PALLD: variants seen among roughly 807,000 people sequenced by gnomAD.
PALLD encodes palladin.
Under a neutral mutation model 123.5 loss-of-function variants are expected in PALLD, and 61 were observed. The ratio of observed to expected loss-of-function variants is 0.49; its 90% CI spans 0.40 to 0.61. PALLD has a LOEUF of 0.61. Ranked by LOEUF, PALLD falls within the 20% of genes least tolerant of loss-of-function variation. The pLI is 0.00. For synonymous variants in PALLD, 465 were observed against 496.4 expected, an observed-to-expected ratio of 0.94 and a Z score of 0.84; for missense variants, 1,273 against 1,377.0, an observed-to-expected ratio of 0.92 and a Z score of 1.20.
intron 2 of PALLD, among the ~76,000 whole-genome samples, chr4:168,520,942 C>T (rs1240393694): frequency 6.6e-6 from 1 of 152,158 alleles, no homozygotes; most frequent in Non-Finnish European, 1.5e-5. Context: ...TCATGAGTAG[C>T]AGTAGCTAAA....
intron 10 of PALLD, among the ~76,000 whole-genome samples, chr4:168,830,740 TA>T: frequency 6.6e-6 from 1 of 152,300 alleles, no homozygotes; most frequent in African/African-American, 2.4e-5. Context: ...GTTATTCATT[TA>T]AAAGTCAATA....
chr4:168,504,279 C>A (rs570951658), intron 1 of PALLD, among the ~76,000 whole-genome samples: 7 of 152,100 alleles, frequency 4.6e-5, no homozygotes, highest in African/African-American at 1.4e-4. Context: ...CATAATGCTA[C>A]GCAACTTCAA....
chr4:168,639,898 C>T (rs1234429663), intron 2 of PALLD, among the ~76,000 whole-genome samples: 1 of 152,138 alleles, frequency 6.6e-6, no homozygotes. Context: ...CTTAGCTTGC[C>T]TGTCTTTTAG....
intron 10 of PALLD, among the ~76,000 whole-genome samples, chr4:168,815,008 T>A (rs183580896): frequency 6.6e-6 from 1 of 152,302 alleles, no homozygotes; most frequent in East Asian, 1.9e-4. Flanking sequence ...TGACCTCAAA[T>A]GATCCACCTG....
Position 168,876,217 on chromosome 4 carries a change from A to T in PALLD, c.1965-14705A>T, listed in dbSNP as rs189892878. Among the ~76,000 whole-genome samples, 17 of 152,284 alleles carry T rather than the reference A, an allele frequency of 1.1e-4. No homozygotes were observed. In the East Asian group the frequency reaches 3.1e-3, roughly 28 times the overall value. Reference sequence around the variant, plus strand: ...TGAAGCATTTGGGGACTCGGAATGGAGAGTGCTGGATAATGGATTTTAGAG... The same window carrying T: ...TGAAGCATTTGGGGACTCGGAATGGTGAGTGCTGGATAATGGATTTTAGAG... On this transcript the variant is annotated intron_variant, in intron 10 of 21. Coordinates refer to ENST00000505667, the MANE Select transcript of PALLD (RefSeq NM_001166108.2).
intron 11 of PALLD, 23 bp from the exon 12 acceptor site, chr4:168,894,556 T>A: frequency 6.5e-7 from 1 of 1,538,416 alleles, no homozygotes; most frequent in African/African-American, 1.4e-5. Context: ...AATTTTGTAT[T>A]TTTTGTGACT....
At chr4:168,574,920 C>T (rs908170280) in intron 2 of PALLD, among the ~76,000 whole-genome samples, 1 of 152,108 alleles carries the variant, frequency 6.6e-6, no homozygotes, top group Admixed American at 6.6e-5. Flanking sequence ...CTCTGACTCA[C>T]TTAAAAATGA....
intron 10 of PALLD, among the ~76,000 whole-genome samples, chr4:168,888,199 G>A (rs1378708509): frequency 6.6e-6 from 1 of 152,166 alleles, no homozygotes; most frequent in Admixed American, 6.5e-5. Context: ...CTGTCTCAGG[G>A]TCTCCTTAAA....
rs565904331 is a variant in PALLD, at chr4:168,606,440, C to T, written c.909-61750C>T. Among the ~76,000 whole-genome samples, 99 of 151,938 alleles carry T rather than the reference C, an allele frequency of 6.5e-4. 2 individuals are homozygous for T. In the Middle Eastern group the frequency reaches 0.01, roughly 16 times the overall value. Reference sequence around the variant, plus strand: ...CTGTAATCCCAGCACTTTGGGAGGCCGAGGAGGGTGGATCACGAGGTCAGG... The same window carrying T: ...CTGTAATCCCAGCACTTTGGGAGGCTGAGGAGGGTGGATCACGAGGTCAGG... On this transcript the variant is annotated intron_variant, in intron 2 of 21. Coordinates refer to ENST00000505667, the MANE Select transcript of PALLD (RefSeq NM_001166108.2).
At chr4:168,795,208 G>A (rs1269058485) in intron 10 of PALLD, among the ~76,000 whole-genome samples, 1 of 152,146 alleles carries the variant, frequency 6.6e-6, no homozygotes, top group South Asian at 2.1e-4. Context: ...TCAGTCTTTA[G>A]CAAGATCTCA....
At chr4:168,681,446 C>CCG in intron 4 of PALLD, 48 bp downstream of exon 4, 1 of 1,202,766 alleles carries the variant, frequency 8.3e-7, no homozygotes, top group Non-Finnish European at 1.2e-6. Flanking sequence ...AGAATGGCAA[C>CCG]AGAATGGTTG....
Position 168,674,422 on chromosome 4 carries a change from G to A in PALLD, c.1087+6054G>A, listed in dbSNP as rs553893998. Among the ~76,000 whole-genome samples, 397 of 152,284 alleles carry A rather than the reference G, an allele frequency of 2.6e-3. 1 individual carries two copies. The highest frequency in any genetic ancestry group is 4.2e-3 in the Non-Finnish European group (287 of 68,026). The stretch of plus-strand genomic sequence containing the variant: ...AGGAAGAGGGAATGGGGACGAGGAA[G>A]GGATCTGAATCTGAGCCTGGGATAC... On this transcript the variant is annotated intron_variant, in intron 3 of 21. Coordinates refer to ENST00000505667, the MANE Select transcript of PALLD (RefSeq NM_001166108.2).
chr4:168,875,444 A>G (rs1289068566), intron 10 of PALLD, among the ~76,000 whole-genome samples: 1 of 152,200 alleles, frequency 6.6e-6, no homozygotes, highest in Non-Finnish European at 1.5e-5. Context: ...TATTTAAAAG[A>G]TTATCATTTG....
At chr4:168,571,125 T>A (rs1219706506) in intron 2 of PALLD, among the ~76,000 whole-genome samples, 1 of 152,158 alleles carries the variant, frequency 6.6e-6, no homozygotes, top group Non-Finnish European at 1.5e-5. Flanking sequence ...TGAATTTTCT[T>A]TGCATTTCAT....
At chr4:168,762,708 A>G (rs933290620) in intron 10 of PALLD, among the ~76,000 whole-genome samples, 7 of 152,230 alleles carry the variant, frequency 4.6e-5, no homozygotes, top group African/African-American at 7.2e-5. Flanking sequence ...TCATTTTACT[A>G]TAAAGACACA....
chr4:168,622,236 C>G (rs1269315214), intron 2 of PALLD, among the ~76,000 whole-genome samples: 2 of 152,194 alleles, frequency 1.3e-5, no homozygotes, highest in African/African-American at 4.8e-5. Context: ...ATGCCAAATT[C>G]TACATTCCTC....
chr4:168,691,908 G>A (rs878975556), intron 8 of PALLD, among the ~76,000 whole-genome samples: 2 of 152,126 alleles, frequency 1.3e-5, no homozygotes, highest in Non-Finnish European at 1.5e-5. Flanking sequence ...CAGACATATT[G>A]CGTATTTATG....
At chr4:168,706,041 T>C (rs1561424249) in intron 8 of PALLD, among the ~76,000 whole-genome samples, 1 of 152,186 alleles carries the variant, frequency 6.6e-6, no homozygotes, top group African/African-American at 2.4e-5. Context: ...ATCTACCTTC[T>C]TAAATTTTTA....
rs187506693 is a variant in PALLD, at chr4:168,590,972, C to G, written c.909-77218C>G. On this transcript the variant is annotated intron_variant, in intron 2 of 21. Coordinates refer to ENST00000505667, the MANE Select transcript of PALLD (RefSeq NM_001166108.2). ...TCGGCTCACTGCAACCTCCTCCCCC[C>G]AGGTTCAAGCAATTCTCCTGCCTCA... Among the ~76,000 whole-genome samples, 393 of 142,380 alleles carry G rather than the reference C, an allele frequency of 2.8e-3. 1 individual carries two copies. Among genetic ancestry groups the G allele is most frequent in the African/African-American group, 0.01 (383 of 37,788 alleles). The allele number at this position is 142,380 out of a possible 152,430, so 93.4% of individuals were successfully genotyped here. A position where few individuals can be genotyped will look rare whatever the true frequency, so the allele number is the denominator to read the frequency against.
Sources: gnomAD v4.1 joint callset for allele counts (sites outside exome capture counted in the v4.1 genomes callset) on GRCh38, gnomAD v4.1.1 for gene constraint, MANE v1.5 for transcripts, NCBI Gene and HGNC (gene_info 2026-07-23, HGNC 2026-07-21) for gene names.